FMNL2: variants seen among roughly 807,000 people sequenced by gnomAD.
The protein encoded by FMNL2 is formin-like protein 2.
In FMNL2, 51 loss-of-function variants were observed where a neutral mutation model predicts 130.2. The ratio of observed to expected loss-of-function variants is 0.39; its 90% CI spans 0.31 to 0.49. The LOEUF is 0.49. Among genes scored for constraint, FMNL2 ranks in the 20% least tolerant of loss-of-function variants. The pLI is 0.85. For synonymous variants in FMNL2, 465 were observed against 467.1 expected (o/e 1.00, Z 0.06); for missense variants, 977 against 1,316.2 (o/e 0.74, Z 3.99).
At chr2:152,348,041 C>T (rs1425150939) in intron 1 of FMNL2, among the ~76,000 whole-genome samples, 2 of 151,768 alleles carry the variant, frequency 1.3e-5, no homozygotes, top group African/African-American at 2.4e-5. Context: ...GGGCTCTCTT[C>T]GCTTCTCTGC....
At chr2:152,396,343 T>A (rs1323213549) in intron 1 of FMNL2, among the ~76,000 whole-genome samples, 2 of 152,250 alleles carry the variant, frequency 1.3e-5, no homozygotes, top group African/African-American at 4.8e-5. Context: ...CAAACAGGAA[T>A]GAGTCTAGCT....
chr2:152,541,059 G>A (rs1226104887), intron 2 of FMNL2, among the ~76,000 whole-genome samples: 2 of 152,180 alleles, frequency 1.3e-5, no homozygotes, highest in African/African-American at 4.8e-5. Context: ...TGGAGTAAGT[G>A]ATAATCAGAT....
At chr2:152,381,238 A>T (rs1684442078) in intron 1 of FMNL2, among the ~76,000 whole-genome samples, 1 of 152,196 alleles carries the variant, frequency 6.6e-6, no homozygotes, top group African/African-American at 2.4e-5. Flanking sequence ...TTGACAGAAG[A>T]TGGATAGCCT....
intron 1 of FMNL2, among the ~76,000 whole-genome samples, chr2:152,393,426 A>G (rs569077533): frequency 6.6e-6 from 1 of 152,352 alleles, no homozygotes; most frequent in South Asian, 2.1e-4. Flanking sequence ...CATAGGATAG[A>G]TGAGAAGAGA....
chr2:152,410,252 G>A (rs1323798248), intron 1 of FMNL2, among the ~76,000 whole-genome samples: 1 of 152,172 alleles, frequency 6.6e-6, no homozygotes, highest in African/African-American at 2.4e-5. Context: ...GTTGACTCTA[G>A]CAGCAGACCA....
At chr2:152,618,750 T>A in intron 13 of FMNL2, 96 bp from the exon 14 acceptor site, 6 of 905,370 alleles carry the variant, frequency 6.6e-6, no homozygotes, top group Non-Finnish European at 4.6e-6. Context: ...TTCATATGAG[T>A]ATCTTTTTTT....
intron 11 of FMNL2, among the ~76,000 whole-genome samples, chr2:152,612,426 G>C (rs1054563390): frequency 2.6e-5 from 4 of 152,134 alleles, no homozygotes; most frequent in African/African-American, 4.8e-5. Flanking sequence ...AAGCTGAAGT[G>C]GGGGGATCAT....
chr2:152,641,640 T>C (rs1683089814), intron 25 of FMNL2, among the ~76,000 whole-genome samples: 1 of 152,192 alleles, frequency 6.6e-6, no homozygotes, highest in South Asian at 2.1e-4. Context: ...CTGAAAATAG[T>C]ATGATGAGGT....
intron 7 of FMNL2, among the ~76,000 whole-genome samples, chr2:152,577,114 TA>T (rs1255873062): frequency 6.6e-6 from 1 of 152,116 alleles, no homozygotes; most frequent in African/African-American, 2.4e-5. Flanking sequence ...AGCAGTAATT[TA>T]GGTGAGCTTT....
chr2:152,524,466 A>G (rs1263413903), intron 2 of FMNL2, among the ~76,000 whole-genome samples: 2 of 152,056 alleles, frequency 1.3e-5, no homozygotes, highest in African/African-American at 2.4e-5. Context: ...TTTTGGGTGC[A>G]GTGAGGTGTA....
At chr2:152,637,727 A>G in intron 23 of FMNL2, 53 bp downstream of exon 23, 1 of 1,520,626 alleles carries the variant, frequency 6.6e-7, no homozygotes, top group Non-Finnish European at 9.1e-7. Context: ...GCCCTCCTTG[A>G]GATGTGTCTG....
chr2:152,564,672 G>T (rs1165719008), intron 6 of FMNL2, among the ~76,000 whole-genome samples: 3 of 151,614 alleles, frequency 2.0e-5, no homozygotes, highest in African/African-American at 7.3e-5. Context: ...GGCAGAGGTT[G>T]CAGTGAGCTG....
chr2:152,493,970 T>G (rs1311148460), intron 1 of FMNL2, among the ~76,000 whole-genome samples: 1 of 152,248 alleles, frequency 6.6e-6, no homozygotes, highest in Non-Finnish European at 1.5e-5. Context: ...ACAAAGCATT[T>G]GGCTTACATA....
chr2:152,514,913 A>G (rs1297074767), intron 1 of FMNL2, among the ~76,000 whole-genome samples: 2 of 152,096 alleles, frequency 1.3e-5, no homozygotes. Context: ...ATTTTGCCCA[A>G]ACTCTATGAT....
chr2:152,607,136 T>A (rs965017107), intron 9 of FMNL2, among the ~76,000 whole-genome samples: 1 of 151,582 alleles, frequency 6.6e-6, no homozygotes. Context: ...ATCAAGAGAA[T>A]CTGGAAAGGA....
At chr2:152,416,925 G>A (rs550518318) in intron 1 of FMNL2, among the ~76,000 whole-genome samples, 2 of 152,292 alleles carry the variant, frequency 1.3e-5, no homozygotes, top group Admixed American at 1.3e-4. Context: ...ATGTTTCACT[G>A]CTCGGGAAGA....
chr2:152,385,681 C>T (rs951639489), intron 1 of FMNL2, among the ~76,000 whole-genome samples: 1 of 152,186 alleles, frequency 6.6e-6, no homozygotes, highest in Non-Finnish European at 1.5e-5. Context: ...TTGGTCTCTG[C>T]AGAAGTTTGC....
At chr2:152,571,014 G>A (rs951210608) in intron 6 of FMNL2, among the ~76,000 whole-genome samples, 1 of 152,160 alleles carries the variant, frequency 6.6e-6, no homozygotes, top group Non-Finnish European at 1.5e-5. Flanking sequence ...AGGAAGTTTT[G>A]TGGCATTTTA....
At chr2:152,401,071 T>C (rs1184481828) in intron 1 of FMNL2, among the ~76,000 whole-genome samples, 1 of 152,216 alleles carries the variant, frequency 6.6e-6, no homozygotes, top group Non-Finnish European at 1.5e-5. Context: ...TTTCATGTAC[T>C]AGGAGAAGTG....
Sources: gnomAD v4.1 joint callset for allele counts (sites outside exome capture counted in the v4.1 genomes callset) on GRCh38, gnomAD v4.1.1 for gene constraint, MANE v1.5 for transcripts, NCBI Gene and HGNC (gene_info 2026-07-23, HGNC 2026-07-21) for gene names.